Variants in AIG1 observed in about 807,000 individuals in gnomAD.
The protein encoded by AIG1 is androgen-induced gene 1 protein.
AIG1 carries 23 observed loss-of-function variants against 31.4 expected under a neutral mutation model. The ratio of observed to expected loss-of-function variants is 0.73; its 90% CI spans 0.53 to 1.04. The LOEUF is 1.04. Ranked by LOEUF, AIG1 falls within the 50% of genes least tolerant of loss-of-function variation. AIG1 has a pLI of 0.00. For missense variants in AIG1, 274 were observed against 295.0 expected (o/e 0.93, Z 0.52); for synonymous variants, 100 against 110.5 (o/e 0.90, Z 0.60).
chr6:143,169,881 A>G lies in AIG1; in HGVS notation c.399+4698A>G, dbSNP rs148215482. The stretch of plus-strand genomic sequence containing the variant: ...GATAATCATTTGGGTTTTGTTCTTC[A>G]TTTTGTTTATGAGATGTATCAAATT... On this transcript the variant is annotated intron_variant, in intron 3 of 5. Coordinates refer to ENST00000357847, the MANE Select transcript of AIG1 (RefSeq NM_016108.4). 2.3e-3 allele frequency among the ~76,000 whole-genome samples: 345 copies of G among 152,028 alleles called. 1 individual carries two copies. The highest frequency in any genetic ancestry group is 3.9e-3 in the Non-Finnish European group (264 of 67,924).
chr6:143,306,635 T>C (rs1394720777), intron 4 of AIG1, among the ~76,000 whole-genome samples: 1 of 152,072 alleles, frequency 6.6e-6, no homozygotes, highest in African/African-American at 2.4e-5. Flanking sequence ...CCCTTAACAT[T>C]TTTTCCTTCA....
intron 2 of AIG1, among the ~76,000 whole-genome samples, chr6:143,148,353 A>G (rs1784883256): frequency 6.6e-6 from 1 of 150,440 alleles, no homozygotes; most frequent in African/African-American, 2.5e-5. Flanking sequence ...AAAAAAAAAA[A>G]AAAAAATTAG....
chr6:143,195,315 G>A (rs1243489892), intron 3 of AIG1, among the ~76,000 whole-genome samples: 1 of 152,252 alleles, frequency 6.6e-6, no homozygotes, highest in East Asian at 1.9e-4. Flanking sequence ...TTCAGATCCT[G>A]GAGACTCCTC....
At chr6:143,200,530 T>G (rs1790614713) in intron 3 of AIG1, among the ~76,000 whole-genome samples, 1 of 152,182 alleles carries the variant, frequency 6.6e-6, no homozygotes, top group Non-Finnish European at 1.5e-5. Context: ...ATGTTTCCAC[T>G]GCTTGACTTC....
At chr6:143,283,994 C>A in intron 3 of AIG1, 116 bp from the exon 4 acceptor site, 1 of 655,788 alleles carries the variant, frequency 1.5e-6, no homozygotes. Context: ...CCATAGACTT[C>A]TTTCTGCCTG....
At position 143,288,382 on chromosome 6, in the gene AIG1, T is replaced by C. The variant is rs1797836263; in HGVS notation, c.515+4157T>C. Among the ~76,000 whole-genome samples, 1 of 152,180 alleles carries C rather than the reference T, an allele frequency of 6.6e-6. No homozygotes were observed. Among genetic ancestry groups the C allele is most frequent in the Admixed American group, 6.5e-5 (1 of 15,280 alleles). On this transcript the variant is annotated intron_variant, in intron 4 of 5. Transcript: ENST00000357847. The surrounding 1 kb of genome is among the most constrained non-coding windows in gnomAD (Gnocchi z 4.4). The stretch of plus-strand genomic sequence containing the variant: ...GTGAGATCTCAGAAGCCATGTATAA[T>C]ACGTGCTGATCTCTCAACCCAGGAC...
chr6:143,195,502 G>A (rs1054310706), intron 3 of AIG1, among the ~76,000 whole-genome samples: 5 of 152,282 alleles, frequency 3.3e-5, no homozygotes, highest in Admixed American at 2.0e-4. Context: ...GGAAGATGGG[G>A]TCAGATGAAC....
upstream of AIG1, chr6:143,060,768 C>T: frequency 5.8e-6 from 1 of 171,492 alleles, no homozygotes; most frequent in Non-Finnish European, 1.1e-5. Flanking sequence ...CGCGCCAGTC[C>T]CCGGGGGCGC....
chr6:143,332,307 A>G (rs1156250970), intron 4 of AIG1, among the ~76,000 whole-genome samples: 1 of 152,222 alleles, frequency 6.6e-6, no homozygotes. Flanking sequence ...AGTCTTCACA[A>G]TTGCCAACAG....
intron 3 of AIG1, chr6:143,190,638 G>A: frequency 1.0e-6 from 1 of 984,520 alleles, no homozygotes; most frequent in Non-Finnish European, 1.2e-6. Context: ...AGTTGAACAG[G>A]GGCCTTCTTT....
chr6:143,115,736 G>A (rs550665158), intron 1 of AIG1, among the ~76,000 whole-genome samples: 12 of 152,340 alleles, frequency 7.9e-5, no homozygotes, highest in Middle Eastern at 3.4e-3. Flanking sequence ...ACCTGTAGTT[G>A]ATCACAGGCT....
intron 3 of AIG1, among the ~76,000 whole-genome samples, chr6:143,238,468 T>C (rs1235530978): frequency 1.3e-5 from 2 of 152,264 alleles, no homozygotes; most frequent in East Asian, 3.8e-4. Flanking sequence ...CAGCCAACTT[T>C]TCCTTTTATC....
intron 2 of AIG1, among the ~76,000 whole-genome samples, chr6:143,148,458 G>A (rs1186160902): frequency 1.3e-5 from 2 of 152,068 alleles, no homozygotes; most frequent in East Asian, 3.9e-4. Context: ...TTAGTGAGCT[G>A]AGATGGTGCC....
intron 3 of AIG1, among the ~76,000 whole-genome samples, chr6:143,273,428 G>T (rs1216033509): frequency 6.6e-6 from 1 of 152,122 alleles, no homozygotes; most frequent in Non-Finnish European, 1.5e-5. Flanking sequence ...TTTACTGAGT[G>T]CAGGAACACC....
chr6:143,104,891 C>T (rs1179776548), intron 1 of AIG1, among the ~76,000 whole-genome samples: 4 of 149,648 alleles, frequency 2.7e-5, no homozygotes, highest in African/African-American at 4.9e-5. Flanking sequence ...AGAGCAAGAC[C>T]GTGTCTCAAA....
chr6:143,217,746 T>G (rs1792147059), intron 3 of AIG1, among the ~76,000 whole-genome samples: 3 of 152,198 alleles, frequency 2.0e-5, no homozygotes, highest in Admixed American at 2.0e-4. Context: ...TCATCTCAAG[T>G]GATCTGCCCA....
At chr6:143,188,750 T>TA (rs1363388022) in intron 3 of AIG1, 28 of 985,288 alleles carry the variant, frequency 2.8e-5, no homozygotes, top group Non-Finnish European at 3.1e-5. Context: ...AAGATTCTAA[T>TA]AATCTCCACA....
chr6:143,314,047 G>T (rs1775523923), intron 4 of AIG1, among the ~76,000 whole-genome samples: 1 of 151,486 alleles, frequency 6.6e-6, no homozygotes, highest in Non-Finnish European at 1.5e-5. Flanking sequence ...ATACAAACTG[G>T]GAAGAAAGAA....
At chr6:143,202,362 G>A (rs955896974) in intron 3 of AIG1, among the ~76,000 whole-genome samples, 2 of 152,060 alleles carry the variant, frequency 1.3e-5, no homozygotes, top group African/African-American at 4.8e-5. Context: ...CAAAAAAACA[G>A]GCAGATTCTT....
Sources: gnomAD v4.1 joint callset for allele counts (sites outside exome capture counted in the v4.1 genomes callset) on GRCh38, gnomAD v4.1.1 for gene constraint, Gnocchi (gnomAD v3.1) non-coding constraint, MANE v1.5 for transcripts, NCBI Gene and HGNC (gene_info 2026-07-23, HGNC 2026-07-21) for gene names.